The following KHDRBS2 variants were observed in gnomAD, a reference collection of about 807,000 sequenced individuals.
KHDRBS2 encodes KH RNA binding domain containing, signal transduction associated 2, also known as KH domain-containing, RNA-binding, signal transduction-associated protein 2.
In KHDRBS2, 26 loss-of-function variants were observed where a neutral mutation model predicts 44.3. That is an observed-to-expected ratio of 0.59 (90% CI 0.43 to 0.81). KHDRBS2 has a LOEUF of 0.81. KHDRBS2 is among the 40% of genes least tolerant of loss of function. The pLI is 0.00. For missense variants in KHDRBS2, 476 were observed against 433.1 expected, an observed-to-expected ratio of 1.10 and a Z score of -0.88; for synonymous variants, 194 against 151.1, an observed-to-expected ratio of 1.28 and a Z score of -2.08.
intron 6 of KHDRBS2, among the ~76,000 whole-genome samples, chr6:61,806,321 T>C (rs1787156285): frequency 6.6e-6 from 1 of 152,162 alleles, no homozygotes; most frequent in Non-Finnish European, 1.5e-5. Context: ...GGGACCACTA[T>C]GGCATGAAAA....
chr6:61,749,496 T>A (rs903643475), intron 6 of KHDRBS2, among the ~76,000 whole-genome samples: 1 of 152,228 alleles, frequency 6.6e-6, no homozygotes, highest in African/African-American at 2.4e-5. Flanking sequence ...TTATAAATGA[T>A]GTCAGTTTGA....
At chr6:61,915,498 C>T (rs193140233) in intron 4 of KHDRBS2, among the ~76,000 whole-genome samples, 2 of 151,950 alleles carry the variant, frequency 1.3e-5, no homozygotes, top group East Asian at 3.9e-4. Flanking sequence ...TTTTATTGTC[C>T]TATAGTAGAA....
At chr6:61,558,471 A>G in the KHDRBS2 span, among the ~76,000 whole-genome samples, 1 of 152,034 alleles carries the variant, frequency 6.6e-6, no homozygotes, top group Non-Finnish European at 1.5e-5. Context: ...TTGAGATAGG[A>G]GGATAGCTTG....
intron 1 of KHDRBS2, among the ~76,000 whole-genome samples, chr6:62,181,825 G>A (rs1206635739): frequency 6.6e-6 from 1 of 151,832 alleles, no homozygotes; most frequent in Non-Finnish European, 1.5e-5. Flanking sequence ...GAGGCCTGAG[G>A]GAGAGCCCCC....
chr6:61,706,767 T>C (rs1769635547), intron 7 of KHDRBS2, among the ~76,000 whole-genome samples: 1 of 151,774 alleles, frequency 6.6e-6, no homozygotes, highest in Non-Finnish European at 1.5e-5. Flanking sequence ...AGAATAATAT[T>C]GTGAATGTTT....
intron 6 of KHDRBS2, among the ~76,000 whole-genome samples, chr6:61,765,412 C>T (rs2089218969): frequency 6.6e-6 from 1 of 152,090 alleles, no homozygotes; most frequent in Admixed American, 6.6e-5. Context: ...GATTGTGTCA[C>T]TGCACTCCAA....
chr6:62,061,240 C>CT (rs2127326294), intron 2 of KHDRBS2, among the ~76,000 whole-genome samples: 1 of 150,876 alleles, frequency 6.6e-6, no homozygotes, highest in African/African-American at 2.4e-5. Context: ...TGATTTTGCT[C>CT]GTTAGTTGAT....
At chr6:62,276,081 G>A (rs1273944155) in intron 1 of KHDRBS2, among the ~76,000 whole-genome samples, 3 of 152,098 alleles carry the variant, frequency 2.0e-5, no homozygotes, top group African/African-American at 7.2e-5. Context: ...AGCATACAAC[G>A]CTATGAACCT....
intron 6 of KHDRBS2, among the ~76,000 whole-genome samples, chr6:61,766,952 TA>T (rs1408150080): frequency 1.3e-5 from 2 of 152,132 alleles, no homozygotes; most frequent in Admixed American, 1.3e-4. Flanking sequence ...AAATGTTCTG[TA>T]AATACCTATT....
intron 1 of KHDRBS2, among the ~76,000 whole-genome samples, chr6:62,225,655 A>C (rs1831652251): frequency 6.6e-6 from 1 of 152,096 alleles, no homozygotes; most frequent in South Asian, 2.1e-4. Context: ...CCCTGCATGC[A>C]TTAGCTATTT....
the KHDRBS2 span, among the ~76,000 whole-genome samples, chr6:61,592,459 G>T: frequency 2.0e-5 from 3 of 152,100 alleles, no homozygotes; most frequent in African/African-American, 7.2e-5. Flanking sequence ...ACCTCAGAAA[G>T]AATAGATGGA....
the KHDRBS2 span, among the ~76,000 whole-genome samples, chr6:61,580,974 C>CTAATTTA: frequency 6.6e-6 from 1 of 152,090 alleles, no homozygotes; most frequent in Non-Finnish European, 1.5e-5. Context: ...ATACTATGAA[C>CTAATTTA]TAATTTAGTA....
intron 6 of KHDRBS2, among the ~76,000 whole-genome samples, chr6:61,818,832 C>T (rs114309507): frequency 1.4e-3 from 216 of 151,986 alleles, no homozygotes; most frequent in African/African-American, 5.0e-3. Flanking sequence ...CCAGTTTTAT[C>T]TCCCCCTAAC....
At chr6:61,924,241 G>C (rs556434151) in intron 4 of KHDRBS2, among the ~76,000 whole-genome samples, 2 of 151,996 alleles carry the variant, frequency 1.3e-5, no homozygotes, top group Non-Finnish European at 2.9e-5. Context: ...TCCTGAAATT[G>C]ATTTACCCAT....
intron 4 of KHDRBS2, among the ~76,000 whole-genome samples, chr6:61,938,497 T>A (rs1338341965): frequency 5.3e-5 from 8 of 152,160 alleles, no homozygotes; most frequent in Non-Finnish European, 8.8e-5. Context: ...ATTTTTCAGA[T>A]TTTTGAACTT....
the KHDRBS2 span, among the ~76,000 whole-genome samples, chr6:61,660,485 C>G: frequency 2.0e-5 from 3 of 151,716 alleles, no homozygotes; most frequent in East Asian, 5.9e-4. Context: ...AATTTCCTAT[C>G]TCATTAAGCA....
chr6:62,152,698 C>T (rs1815477467), intron 2 of KHDRBS2, among the ~76,000 whole-genome samples: 1 of 152,144 alleles, frequency 6.6e-6, no homozygotes, highest in South Asian at 2.1e-4. Context: ...ACTAAATCCT[C>T]ATTGAGGTCC....
the KHDRBS2 span, among the ~76,000 whole-genome samples, chr6:61,576,906 C>A: frequency 6.6e-6 from 1 of 152,246 alleles, no homozygotes; most frequent in Admixed American, 6.5e-5. Context: ...CTTAGCTTGA[C>A]TACTTTGTTT....
chr6:62,072,455 C>G (rs1795363246), intron 2 of KHDRBS2, among the ~76,000 whole-genome samples: 1 of 152,144 alleles, frequency 6.6e-6, no homozygotes, highest in African/African-American at 2.4e-5. Context: ...TTTGCCCATT[C>G]ATTATGATAT....
Sources: allele counts gnomAD v4.1 joint callset (sites outside exome capture counted in the v4.1 genomes callset), GRCh38; gene constraint gnomAD v4.1.1; transcripts MANE v1.5; gene names NCBI Gene and HGNC (gene_info 2026-07-23, HGNC 2026-07-21).